C17orf99: variants seen among roughly 807,000 people sequenced by gnomAD.
C17orf99 encodes the protein protein IL-40.
Under a neutral mutation model 22.6 loss-of-function variants are expected in C17orf99, and 18 were observed. The ratio of observed to expected loss-of-function variants is 0.80; its 90% CI spans 0.55 to 1.18. The LOEUF (loss-of-function observed/expected upper bound fraction) is 1.18. Among genes scored for constraint, C17orf99 ranks in the 50% most tolerant of loss-of-function variants. The pLI, the probability that C17orf99 is intolerant of heterozygous loss-of-function variation, is 0.00. For synonymous variants in C17orf99, 147 were observed against 136.6 expected, an observed-to-expected ratio of 1.08 and a Z score of -0.53; for missense variants, 328 against 342.7, an observed-to-expected ratio of 0.96 and a Z score of 0.34.
In C17orf99 at chr17:78,164,232, C is replaced by T. The variant is rs1055733159; in HGVS notation, c.508C>T (p.Leu170=). The T allele has an allele frequency of 6.4e-7, 1 of 1,551,484 alleles. No individual in the cohort carries two copies. Among genetic ancestry groups the T allele is most frequent in the African/African-American group, 1.4e-5 (1 of 73,064 alleles). Residue 170 remains leucine, a synonymous_variant, in exon 4 of 5, where the codon CTG becomes TTG. Coordinates refer to ENST00000340363, the MANE Select transcript of C17orf99 (RefSeq NM_001163075.2). ...GATCGGGAAGGATGGGCAGGTCCAC[C>T]TGCAGCAGAGACCATGCCACAGGCA... ...SLIGKDGQVH[L]QQRPCHRQPA... is the part of the protein sequence containing the mutation.
chr17:78,154,042 C>T (rs910328880), intron 2 of C17orf99, among the ~76,000 whole-genome samples: 5 of 149,744 alleles, frequency 3.3e-5, no homozygotes, highest in African/African-American at 1.2e-4. Context: ...TCTCATGCCT[C>T]AGCCTCCCGA....
intron 3 of C17orf99, among the ~76,000 whole-genome samples, chr17:78,161,942 G>C (rs988718467): frequency 6.6e-6 from 1 of 151,168 alleles, no homozygotes; most frequent in African/African-American, 2.5e-5. Context: ...GAGCCTCTGG[G>C]TCTATAGCTA....
intron 2 of C17orf99, chr17:78,157,798 G>GAAAAAAAAA: frequency 5.2e-6 from 2 of 382,254 alleles, no homozygotes; most frequent in Non-Finnish European, 4.4e-6. Context: ...CTCTGTCTCG[G>GAAAAAAAAA]AAAAAAAAAA....
At chr17:78,147,448 G>A (rs1392854311) in intron 2 of C17orf99, among the ~76,000 whole-genome samples, 1 of 152,182 alleles carries the variant, frequency 6.6e-6, no homozygotes, top group Non-Finnish European at 1.5e-5. Flanking sequence ...GAGAGTGTCT[G>A]GGACCCAGCT....
In C17orf99 at chr17:78,161,198, C is replaced by A; in HGVS notation, c.314C>A (p.Thr105Asn). Residue 105 changes from threonine to asparagine, a missense_variant, in exon 3 of 5, where the codon ACC becomes AAC. By Grantham distance (65) the Thr-to-Asn change is moderately conservative (BLOSUM62 0). Transcript: ENST00000340363. ...LLTYFCWASS[T>N]SGAHVDSARL... ...ACCTACTTCTGCTGGGCGTCCTCCA[C>A]CTCAGGTGCCCATGTGGACAGTGCC... is the stretch of plus-strand genomic sequence containing the variant. The A allele has an allele frequency of 6.4e-7, 1 of 1,551,788 alleles. No individual in the cohort carries two copies. The highest frequency in any genetic ancestry group is 8.7e-7 in the Non-Finnish European group (1 of 1,146,986).
At chr17:78,161,887 G>A (rs1221772547) in intron 3 of C17orf99, among the ~76,000 whole-genome samples, 1 of 151,996 alleles carries the variant, frequency 6.6e-6, no homozygotes, top group Admixed American at 6.6e-5. Context: ...CACGTTTTGT[G>A]CATTACTTCG....
chr17:78,146,802 G>A lies in C17orf99; in HGVS notation c.38-77G>A. Reference sequence around the variant, plus strand: ...AGCCTGCTCCTCCCTCCTGGCTTCAGCAGGTGGGTCTCGAGGCTGTCTCTG... The same window carrying A: ...AGCCTGCTCCTCCCTCCTGGCTTCAACAGGTGGGTCTCGAGGCTGTCTCTG... On this transcript the variant is annotated intron_variant, in intron 1 of 4. Transcript: ENST00000340363. The surrounding 1 kb of genome is among the most constrained non-coding windows in gnomAD (Gnocchi z 5.2). 1.4e-6 allele frequency: 2 copies of A among 1,383,276 alleles called. No individual in the cohort carries two copies. The highest frequency in any genetic ancestry group is 2.0e-6 in the Non-Finnish European group (2 of 995,326). The allele number at this position is 1,383,276 out of a possible 1,614,324, so 85.7% of individuals were successfully genotyped here.
chr17:78,147,247 G>GC lies in C17orf99; in HGVS notation c.70+343dup, dbSNP rs200537193. 1.7e-3 allele frequency among the ~76,000 whole-genome samples: 259 copies of GC among 152,224 alleles called. 3 individuals are homozygous for GC. The highest frequency in any genetic ancestry group is 5.4e-3 in the African/African-American group (223 of 41,502). ...CCCAGGTCCCTGATCGGGAGCAGAA[G>GC]CCCCCCCTGAGACCCTCACAGCTCT... On this transcript the variant is annotated intron_variant, in intron 2 of 4. Coordinates refer to ENST00000340363, the MANE Select transcript of C17orf99 (RefSeq NM_001163075.2).
intron 2 of C17orf99, chr17:78,158,031 A>T: frequency 7.3e-7 from 1 of 1,364,800 alleles, no homozygotes; most frequent in Non-Finnish European, 1.0e-6. Context: ...GGCATCCAGG[A>T]TGGGCACCTA....
chr17:78,146,226 C>A, upstream of C17orf99: 1 of 561,360 alleles, frequency 1.8e-6, no homozygotes, highest in Admixed American at 3.1e-5. This position sits in a 1 kb window ranked among gnomAD's most constrained non-coding sequence, Gnocchi z 5.2. Context: ...TTTGCTGTAC[C>A]GGGCCTGCCG....
At chr17:78,150,189 T>A (rs550960998) in intron 2 of C17orf99, among the ~76,000 whole-genome samples, 18 of 151,774 alleles carry the variant, frequency 1.2e-4, no homozygotes, top group Non-Finnish European at 2.5e-4. Flanking sequence ...TTGTATTTTT[T>A]GTAGAGACAG....
intron 2 of C17orf99, among the ~76,000 whole-genome samples, chr17:78,154,599 T>C (rs2075510960): frequency 7.3e-6 from 1 of 137,490 alleles, no homozygotes; most frequent in Admixed American, 7.3e-5. Flanking sequence ...TCCCAGCACT[T>C]TGGGGGGCTG....
At position 78,165,915 on chromosome 17, in the gene C17orf99, C is replaced by T; in HGVS notation, c.667C>T (p.Gln223Ter). The T allele has an allele frequency of 7.2e-7, 1 of 1,389,444 alleles. No individual in the cohort carries two copies. Among genetic ancestry groups the T allele is most frequent in the Admixed American group, 2.7e-5 (1 of 36,974 alleles). 86.1% of individuals were successfully genotyped at this position (1,389,444 alleles called of 1,614,324 possible). A position where few individuals can be genotyped will look rare whatever the true frequency, so the allele number is the denominator to read the frequency against. ...PGGDQKMEDW[Q>*]GPLESPILAL... ...TGGTGACCAGAAGATGGAGGACTGG[C>T]AGGGTCCCCTGGAGAGCCCCATCCT... The change falls in exon 5 of 5, where the codon CAG becomes TAG. Residue 223 changes from glutamine (Q) to a stop codon, truncating the protein, a stop_gained. Coordinates refer to ENST00000340363, the MANE Select transcript of C17orf99 (RefSeq NM_001163075.2). LOFTEE classifies it low-confidence loss of function (END_TRUNC).
At chr17:78,164,651 C>A (rs1183104792) in intron 4 of C17orf99, 1 of 1,468,218 alleles carries the variant, frequency 6.8e-7, no homozygotes, top group Admixed American at 2.1e-5. Flanking sequence ...TGGGCTGGAC[C>A]ACGTGGGCCA....
At chr17:78,158,925 C>A in intron 2 of C17orf99, 1 of 162,888 alleles carries the variant, frequency 6.1e-6, no homozygotes. Context: ...AGCACCACCC[C>A]AAAAGACTGG....
At chr17:78,165,293 C>G in intron 4 of C17orf99, 6 of 986,164 alleles carry the variant, frequency 6.1e-6, no homozygotes, top group Non-Finnish European at 7.2e-6. Flanking sequence ...GTGGCCCAGG[C>G]CCTTACGTGG....
chr17:78,157,461 G>A (rs2075535700), intron 2 of C17orf99: 3 of 1,306,906 alleles, frequency 2.3e-6, no homozygotes, highest in Admixed American at 3.7e-5. Flanking sequence ...AGGAGATGCA[G>A]GGCCTCAGCG....
intron 3 of C17orf99, among the ~76,000 whole-genome samples, chr17:78,161,847 A>G (rs1186948103): frequency 6.6e-6 from 1 of 152,056 alleles, no homozygotes; most frequent in Middle Eastern, 3.4e-3. Context: ...AAAAAAAAAA[A>G]AAAGAAAAAG....
chr17:78,156,942 T>C (rs1042319018), intron 2 of C17orf99, among the ~76,000 whole-genome samples: 35 of 138,608 alleles, frequency 2.5e-4, no homozygotes, highest in African/African-American at 8.6e-4. Context: ...AAAAATATTC[T>C]GGAAAGAAAC....
Sources: gnomAD v4.1 joint callset for allele counts (sites outside exome capture counted in the v4.1 genomes callset) on GRCh38, gnomAD v4.1.1 for gene constraint, Gnocchi (gnomAD v3.1) non-coding constraint, MANE v1.5 for transcripts, NCBI Gene and HGNC (gene_info 2026-07-23, HGNC 2026-07-21) for gene names.